Variants in PRKG1 observed in about 807,000 individuals in gnomAD.
The protein encoded by PRKG1 is protein kinase cGMP-dependent 1.
PRKG1 carries 35 observed loss-of-function variants against 88.1 expected under a neutral mutation model. That is an observed-to-expected ratio of 0.40 (90% CI 0.30 to 0.53). PRKG1 has a LOEUF of 0.53. Ranked by LOEUF, PRKG1 falls within the 20% of genes least tolerant of loss-of-function variation. The probability of loss-of-function intolerance (pLI) is 0.59; values close to 1 mark genes in which losing one functional copy is unlikely to be tolerated. For missense variants in PRKG1, 540 were observed against 839.8 expected (o/e 0.64, Z 4.41); for synonymous variants, 303 against 292.5 (o/e 1.04, Z -0.37).
chr10:51,735,887 T>TATATATA (rs1564626598), intron 3 of PRKG1, among the ~76,000 whole-genome samples: 10 of 125,982 alleles, frequency 7.9e-5, no homozygotes, highest in African/African-American at 3.6e-4. Flanking sequence ...ATATGTATAT[T>TATATATA]TATTTATTTA....
intron 1 of PRKG1, among the ~76,000 whole-genome samples, chr10:51,058,561 C>T (rs1843659235): frequency 6.6e-6 from 1 of 152,106 alleles, no homozygotes. Context: ...ATAGTTTGAA[C>T]AAGGGTTCAT....
chr10:51,847,618 A>G (rs1157935374), intron 4 of PRKG1, among the ~76,000 whole-genome samples: 1 of 151,022 alleles, frequency 6.6e-6, no homozygotes, highest in Non-Finnish European at 1.5e-5. Flanking sequence ...TTTTTTCTGT[A>G]GATTGGCTAA....
intron 2 of PRKG1, among the ~76,000 whole-genome samples, chr10:51,272,378 G>A (rs772520177): frequency 2.0e-5 from 3 of 151,998 alleles, no homozygotes; most frequent in Non-Finnish European, 4.4e-5. Context: ...CTAGGGGAGG[G>A]ATAGCATTAG....
intron 4 of PRKG1, among the ~76,000 whole-genome samples, chr10:51,826,329 G>A (rs1051417359): frequency 6.6e-6 from 1 of 152,118 alleles, no homozygotes; most frequent in African/African-American, 2.4e-5. Flanking sequence ...ATCCCATGCT[G>A]TGCATACATT....
intron 5 of PRKG1, among the ~76,000 whole-genome samples, chr10:51,925,657 T>A (rs1207442883): frequency 1.3e-5 from 2 of 152,112 alleles, no homozygotes; most frequent in Non-Finnish European, 2.9e-5. Flanking sequence ...AATGGTTATT[T>A]TCTCTTGAGA....
At chr10:51,937,571 C>T (rs1842822493) in intron 5 of PRKG1, among the ~76,000 whole-genome samples, 1 of 152,042 alleles carries the variant, frequency 6.6e-6, no homozygotes, top group African/African-American at 2.4e-5. Context: ...CATCTGTATT[C>T]AAAGATTCTC....
At chr10:51,350,731 C>T (rs1281008181) in intron 2 of PRKG1, among the ~76,000 whole-genome samples, 1 of 152,154 alleles carries the variant, frequency 6.6e-6, no homozygotes, top group Non-Finnish European at 1.5e-5. Context: ...CAGCAAGTTG[C>T]AGAACAAGAA....
chr10:51,274,360 A>G (rs73337578), intron 2 of PRKG1, among the ~76,000 whole-genome samples: 3 of 151,894 alleles, frequency 2.0e-5, no homozygotes, highest in Admixed American at 1.3e-4. Context: ...GAAAGTTGCA[A>G]TTTGGCTTTG....
intron 5 of PRKG1, among the ~76,000 whole-genome samples, chr10:52,017,264 C>T (rs1845063949): frequency 6.6e-6 from 1 of 152,274 alleles, no homozygotes; most frequent in East Asian, 1.9e-4. Flanking sequence ...TAAATCTTCT[C>T]ATTGCATTAT....
chr10:51,918,692 G>C (rs1367123758), intron 5 of PRKG1, among the ~76,000 whole-genome samples: 1 of 152,170 alleles, frequency 6.6e-6, no homozygotes, highest in African/African-American at 2.4e-5. Flanking sequence ...CTGTAAATTA[G>C]TAGCCTGCCT....
intron 1 of PRKG1, among the ~76,000 whole-genome samples, chr10:51,011,886 C>G (rs1255979529): frequency 6.6e-6 from 1 of 152,202 alleles, no homozygotes. Flanking sequence ...GTTTAACGGA[C>G]TCACAGTTCC....
intron 5 of PRKG1, among the ~76,000 whole-genome samples, chr10:51,933,685 T>G (rs1306674177): frequency 2.6e-5 from 4 of 152,204 alleles, no homozygotes; most frequent in African/African-American, 9.6e-5. Flanking sequence ...TTAGGTTTTC[T>G]CTAGTAAATA....
chr10:52,282,356 A>G (rs1842019994), intron 14 of PRKG1, 40 bp downstream of exon 14: 1 of 1,537,904 alleles, frequency 6.5e-7, no homozygotes, highest in Non-Finnish European at 8.8e-7. Context: ...AAAATAGACC[A>G]GCATGCAGCT....
intron 3 of PRKG1, among the ~76,000 whole-genome samples, chr10:51,734,401 G>C (rs1564625933): frequency 6.6e-6 from 1 of 152,136 alleles, no homozygotes; most frequent in Non-Finnish European, 1.5e-5. Flanking sequence ...AAATATGAGA[G>C]ATATTGTTAT....
intron 2 of PRKG1, among the ~76,000 whole-genome samples, chr10:51,161,931 A>C: frequency 6.6e-6 from 1 of 152,192 alleles, no homozygotes; most frequent in East Asian, 1.9e-4. Flanking sequence ...TAATGAGGTA[A>C]AATTTACTTC....
intron 2 of PRKG1, among the ~76,000 whole-genome samples, chr10:51,285,213 G>A (rs1456041903): frequency 6.6e-6 from 1 of 151,842 alleles, no homozygotes; most frequent in African/African-American, 2.4e-5. Context: ...TATTTTGTTA[G>A]ACATTTCCTA....
intron 5 of PRKG1, among the ~76,000 whole-genome samples, chr10:51,923,183 G>A (rs1024323652): frequency 2.0e-5 from 3 of 151,826 alleles, no homozygotes; most frequent in African/African-American, 7.3e-5. Context: ...TTGCTGTGAA[G>A]TTTGTTTTTT....
At chr10:51,353,685 T>C (rs1471750913) in intron 2 of PRKG1, among the ~76,000 whole-genome samples, 8 of 152,198 alleles carry the variant, frequency 5.3e-5, no homozygotes, top group Non-Finnish European at 1.2e-4. Context: ...AGAACCCTCA[T>C]ACACTGTTGG....
At chr10:51,273,713 G>A (rs1402721747) in intron 2 of PRKG1, among the ~76,000 whole-genome samples, 2 of 152,116 alleles carry the variant, frequency 1.3e-5, no homozygotes, top group Admixed American at 1.3e-4. Flanking sequence ...GGCAACCCTT[G>A]GCCCACATTT....
Sources: gnomAD v4.1 joint callset for allele counts (sites outside exome capture counted in the v4.1 genomes callset) on GRCh38, gnomAD v4.1.1 for gene constraint, MANE v1.5 for transcripts, NCBI Gene and HGNC (gene_info 2026-07-23, HGNC 2026-07-21) for gene names.